Variants in CCDC85A observed in about 807,000 individuals in gnomAD.
The protein encoded by CCDC85A is coiled-coil domain containing 85A, also known as coiled-coil domain-containing protein 85A.
CCDC85A carries 38 observed loss-of-function variants against 50.2 expected under a neutral mutation model. The ratio of observed to expected loss-of-function variants is 0.76; its 90% confidence interval spans 0.58 to 0.99. The LOEUF (loss-of-function observed/expected upper bound fraction) is 0.99. CCDC85A is among the 50% of genes least tolerant of loss of function. CCDC85A has a pLI of 0.00. For missense variants in CCDC85A, 820 were observed against 742.0 expected, an observed-to-expected ratio of 1.11 and a Z score of -1.22; for synonymous variants, 366 against 301.4, an observed-to-expected ratio of 1.21 and a Z score of -2.22.
intron 2 of CCDC85A, among the ~76,000 whole-genome samples, chr2:56,247,058 G>A (rs980658088): frequency 5.3e-5 from 8 of 152,108 alleles, no homozygotes; most frequent in African/African-American, 1.9e-4. Flanking sequence ...TGAAGATTCA[G>A]ATGTTTTGCA....
intron 2 of CCDC85A, among the ~76,000 whole-genome samples, chr2:56,337,000 G>T (rs1272610703): frequency 6.6e-6 from 1 of 152,184 alleles, no homozygotes; most frequent in Non-Finnish European, 1.5e-5. Flanking sequence ...GAATATATTT[G>T]ACTAGTCCCC....
At chr2:56,293,542 AC>A (rs1671812523) in intron 2 of CCDC85A, among the ~76,000 whole-genome samples, 1 of 152,204 alleles carries the variant, frequency 6.6e-6, no homozygotes, top group Non-Finnish European at 1.5e-5. Flanking sequence ...TGAACAGGCA[AC>A]CTACAGAATG....
At chr2:56,256,083 T>A (rs1308025125) in intron 2 of CCDC85A, among the ~76,000 whole-genome samples, 3 of 152,140 alleles carry the variant, frequency 2.0e-5, no homozygotes, top group Non-Finnish European at 4.4e-5. Context: ...TACAATAAAT[T>A]GCATGGCAGG....
At chr2:56,295,697 A>G (rs903168666) in intron 2 of CCDC85A, among the ~76,000 whole-genome samples, 2 of 152,182 alleles carry the variant, frequency 1.3e-5, no homozygotes, top group Non-Finnish European at 2.9e-5. Context: ...AGAAGGTGGT[A>G]TCTGTTTAGT....
intron 2 of CCDC85A, among the ~76,000 whole-genome samples, chr2:56,223,770 G>A (rs1668428996): frequency 6.6e-6 from 1 of 152,082 alleles, no homozygotes; most frequent in Non-Finnish European, 1.5e-5. Context: ...TTGCCCCAAA[G>A]CCTGGCCATA....
chr2:56,353,868 G>A (rs1390823196), intron 3 of CCDC85A, among the ~76,000 whole-genome samples: 3 of 152,146 alleles, frequency 2.0e-5, no homozygotes, highest in South Asian at 4.1e-4. Flanking sequence ...CTTGTGAAGG[G>A]TGGTATATAC....
intron 3 of CCDC85A, among the ~76,000 whole-genome samples, chr2:56,360,274 G>A (rs1675458523): frequency 6.6e-6 from 1 of 152,290 alleles, no homozygotes; most frequent in Middle Eastern, 3.4e-3. Context: ...TTGCAATCAG[G>A]CTTATTAGTC....
chr2:56,242,380 G>A (rs1302252488), intron 2 of CCDC85A, among the ~76,000 whole-genome samples: 1 of 152,036 alleles, frequency 6.6e-6, no homozygotes, highest in Non-Finnish European at 1.5e-5. Context: ...TTTCCTCAGA[G>A]GCCTCAGGAA....
chr2:56,186,244 A>G (rs1450407520), intron 1 of CCDC85A, among the ~76,000 whole-genome samples: 1 of 152,186 alleles, frequency 6.6e-6, no homozygotes, highest in African/African-American at 2.4e-5. Context: ...GTGTTTATTA[A>G]GTGCCAGTCT....
rs567993629 is a variant in CCDC85A, at chr2:56,217,258, C to T, written c.1240+23818C>T. Reference sequence around the variant, plus strand: ...CCTAGTCCTCTTGTCCCCAGATATACACCTCTTCGTCTCCCTAATCATTGA... The same window carrying T: ...CCTAGTCCTCTTGTCCCCAGATATATACCTCTTCGTCTCCCTAATCATTGA... On this transcript the variant is annotated intron_variant, in intron 2 of 5. Coordinates refer to ENST00000407595, the MANE Select transcript of CCDC85A (RefSeq NM_001080433.2). Among the ~76,000 whole-genome samples, 67 of 152,036 alleles carry T rather than the reference C, an allele frequency of 4.4e-4. 1 individual carries two copies. Among genetic ancestry groups the T allele is most frequent in the African/African-American group, 1.6e-3 (65 of 41,530 alleles).
intron 2 of CCDC85A, among the ~76,000 whole-genome samples, chr2:56,287,553 A>G (rs1053885563): frequency 1.3e-5 from 2 of 152,198 alleles, no homozygotes; most frequent in Admixed American, 1.3e-4. Flanking sequence ...CCCAGTTCCA[A>G]TAACTCTGTC....
chr2:56,200,225 ATAT>A (rs1259088077), intron 2 of CCDC85A, among the ~76,000 whole-genome samples: 5 of 152,214 alleles, frequency 3.3e-5, no homozygotes, highest in Non-Finnish European at 7.3e-5. Context: ...TGTTTCTATA[ATAT>A]TATCAACTCA....
intron 2 of CCDC85A, among the ~76,000 whole-genome samples, chr2:56,335,690 C>T (rs1258377949): frequency 6.6e-6 from 1 of 151,970 alleles, no homozygotes; most frequent in Non-Finnish European, 1.5e-5. Context: ...CAACCACTGC[C>T]TCCCAGGATC....
Position 56,383,256 on chromosome 2 carries a change from G to T in CCDC85A, c.1573-1010G>T, listed in dbSNP as rs145705852. Among the ~76,000 whole-genome samples, 16 of 152,054 alleles carry T rather than the reference G, an allele frequency of 1.1e-4. No individual in the cohort carries two copies. The East Asian group carries it at 3.1e-3, about 29-fold the overall frequency. On this transcript the variant is annotated intron_variant, in intron 5 of 5. Transcript: ENST00000407595. ...AAAAGCAAAACCAAACCAAACAAAA[G>T]AAACAGTTTATGAATAATTAATGAA...
intron 2 of CCDC85A, among the ~76,000 whole-genome samples, chr2:56,232,549 C>T (rs1362938997): frequency 6.6e-6 from 1 of 152,166 alleles, no homozygotes. Context: ...AAGCCTCTGG[C>T]ATTTCCCCTG....
At chr2:56,185,084 T>C (rs1675951065) in intron 1 of CCDC85A, among the ~76,000 whole-genome samples, 184 bp downstream of exon 1, 1 of 144,176 alleles carries the variant, frequency 6.9e-6, no homozygotes, top group South Asian at 2.4e-4. Context: ...AGGCGTCTGC[T>C]CCCCTCCTCT....
At chr2:56,185,547 C>T (rs193185319) in intron 1 of CCDC85A, among the ~76,000 whole-genome samples, 1 of 152,334 alleles carries the variant, frequency 6.6e-6, no homozygotes, top group Admixed American at 6.5e-5. Context: ...CCCACTTAAC[C>T]CCAGGTTGAC....
intron 3 of CCDC85A, among the ~76,000 whole-genome samples, chr2:56,372,117 A>G (rs1676102909): frequency 2.0e-5 from 3 of 152,186 alleles, no homozygotes; most frequent in African/African-American, 7.2e-5. Context: ...GATAGAATTT[A>G]TAATGTAGTT....
chr2:56,252,468 C>A (rs903923244), intron 2 of CCDC85A, among the ~76,000 whole-genome samples: 1 of 152,048 alleles, frequency 6.6e-6, no homozygotes, highest in Non-Finnish European at 1.5e-5. Flanking sequence ...AATCAAATAA[C>A]GTAAAATTGC....
Sources: gnomAD v4.1 joint callset for allele counts (sites outside exome capture counted in the v4.1 genomes callset) on GRCh38, gnomAD v4.1.1 for gene constraint, MANE v1.5 for transcripts, NCBI Gene and HGNC (gene_info 2026-07-23, HGNC 2026-07-21) for gene names.